Variants in PCSK4 observed in about 807,000 individuals in gnomAD.
The protein encoded by PCSK4 is testicular tissue protein Li 135.
PCSK4 carries 64 observed loss-of-function variants against 80.3 expected under a neutral mutation model. The ratio of observed to expected loss-of-function variants is 0.80; its 90% CI spans 0.65 to 0.98. PCSK4 has a LOEUF of 0.98. Ranked by LOEUF, PCSK4 falls within the 50% of genes least tolerant of loss-of-function variation. PCSK4 has a pLI of 0.00. For missense variants in PCSK4, 1,213 were observed against 1,093.6 expected, an observed-to-expected ratio of 1.11 and a Z score of -1.54; for synonymous variants, 561 against 487.6, an observed-to-expected ratio of 1.15 and a Z score of -1.98.
intron 13 of PCSK4, 100 bp from the exon 14 acceptor site, chr19:1,482,575 G>C: frequency 7.1e-7 from 1 of 1,417,632 alleles, no homozygotes; most frequent in South Asian, 1.3e-5. Context: ...CCCACGCGGG[G>C]CCCTGGACTG....
rs950104897 is a variant in PCSK4, at chr19:1,486,186, A to G, written c.1068+667T>C. Among the ~76,000 whole-genome samples, 5 of 151,438 alleles carry G rather than the reference A, an allele frequency of 3.3e-5. No homozygotes were observed. The East Asian group carries it at 9.8e-4, about 30-fold the overall frequency. Reference sequence around the variant, plus strand: ...GAGATGGGGTTTTGCCATGTTGGCTAGGCTGGTCCTGAACTCTTGACCTCA... The same window carrying G: ...GAGATGGGGTTTTGCCATGTTGGCTGGGCTGGTCCTGAACTCTTGACCTCA... On this transcript the variant is annotated intron_variant, in intron 8 of 14. Transcript: ENST00000300954.
chr19:1,490,267 G>A (rs775480648), exon 1 of PCSK4: 23 of 1,605,816 alleles, frequency 1.4e-5, no homozygotes, highest in African/African-American at 2.7e-5. Context: ...TCGGACCGGG[G>A]CCCACCCCAC....
exon 5 of PCSK4, chr19:1,487,789 T>A: frequency 6.3e-7 from 1 of 1,577,990 alleles, no homozygotes; most frequent in Non-Finnish European, 8.6e-7. Flanking sequence ...GCTCACCGGT[T>A]CTCTTTGCTG....
At chr19:1,486,182 G>A (rs2084596960) in intron 8 of PCSK4, among the ~76,000 whole-genome samples, 1 of 150,908 alleles carries the variant, frequency 6.6e-6, no homozygotes, top group Non-Finnish European at 1.5e-5. Context: ...TTGCCATGTT[G>A]GCTAGGCTGG....
At chr19:1,487,823 C>A in exon 5 of PCSK4, 1 of 1,564,958 alleles carries the variant, frequency 6.4e-7, no homozygotes. Context: ...GCTGGGGGTC[C>A]GGGTCGTAGT....
exon 3 of PCSK4, chr19:1,488,221 G>A (rs756090765): frequency 1.2e-6 from 2 of 1,613,458 alleles, no homozygotes; most frequent in South Asian, 1.1e-5. Flanking sequence ...AGGGGTCCGT[G>A]GGCACCACGA....
In PCSK4 at chr19:1,487,600, T is replaced by C; in HGVS notation, c.682+3A>G. The C allele has an allele frequency of 6.5e-7, 1 of 1,549,008 alleles. No individual in the cohort carries two copies. The highest frequency in any genetic ancestry group is 8.7e-7 in the Non-Finnish European group (1 of 1,145,916). ...AATGGTGCCGCTGGGGGACCCCGGG[T>C]ACCTCCGATTCGGGCGTTGAAAGCG... On this transcript the variant is annotated splice_donor_region_variant and intron_variant, in intron 6 of 14. Coordinates refer to ENST00000300954, the Ensembl canonical transcript of PCSK4.
rs369419526 is a variant in PCSK4 at position 1,487,859 on chromosome 19, G to A, written c.519C>T (p.Asp173=). Residue 173 remains aspartate (D), a splice_region_variant and synonymous_variant, in exon 5 of 15, where the codon GAC becomes GAT. Coordinates refer to ENST00000300954, the Ensembl canonical transcript of PCSK4. ...CATTGAAGTCATAGCTGGCCAGGGGGTCCTGGGGGCAGGTGGGGATATGAG... is the reference window on the plus strand; with the variant it reads ...CATTGAAGTCATAGCTGGCCAGGGGATCCTGGGGGCAGGTGGGGATATGAG... 629 of 1,543,890 alleles carry A rather than the reference G, an allele frequency of 4.1e-4. 1 individual carries two copies. Among genetic ancestry groups the A allele is most frequent in the Middle Eastern group, 5.2e-4 (3 of 5,768 alleles).
At chr19:1,481,971 G>A (rs757998201) in exon 15 of PCSK4, 2 of 1,595,570 alleles carry the variant, frequency 1.3e-6, no homozygotes, top group Admixed American at 1.7e-5. Flanking sequence ...GGGGTGGTGG[G>A]TCCCATGCAG....
intron 8 of PCSK4, among the ~76,000 whole-genome samples, 157 bp downstream of exon 8, chr19:1,486,696 T>A (rs1484701482): frequency 6.6e-6 from 1 of 152,112 alleles, no homozygotes; most frequent in East Asian, 1.9e-4. Context: ...CCTCCCAAAG[T>A]GCTGGGATTA....
Position 1,487,767 on chromosome 19 carries a change from T to C in PCSK4, c.593+18A>G, listed in dbSNP as rs367773070. ...GGGTACTGGGGCTTCCCCCGTGTGC[T>C]GTGGGAGCCCTGCTCACCGGTTCTC... On this transcript the variant is annotated intron_variant, in intron 5 of 14. Coordinates refer to ENST00000300954, the Ensembl canonical transcript of PCSK4. 7 of 1,561,470 alleles carry C rather than the reference T, an allele frequency of 4.5e-6. No homozygotes were observed. The African/African-American group carries it at 9.5e-5, about 21-fold the overall frequency.
upstream of PCSK4, chr19:1,490,558 C>T: frequency 4.1e-6 from 2 of 482,512 alleles, no homozygotes; most frequent in Non-Finnish European, 7.3e-6. Context: ...AGACCCACAC[C>T]CTCGGGAGCC....
intron 8 of PCSK4, among the ~76,000 whole-genome samples, chr19:1,484,937 G>C (rs1436805964): frequency 6.6e-6 from 1 of 152,176 alleles, no homozygotes; most frequent in Non-Finnish European, 1.5e-5. Flanking sequence ...TTGAGCTCAG[G>C]AGTTTGAGAC....
At chr19:1,485,835 C>A (rs1426932625) in intron 8 of PCSK4, among the ~76,000 whole-genome samples, 1 of 152,050 alleles carries the variant, frequency 6.6e-6, no homozygotes, top group Admixed American at 6.6e-5. Context: ...CGCGCCACTG[C>A]ACTCCAGCCT....
exon 15 of PCSK4, chr19:1,481,799 G>C (rs767526035): frequency 2.6e-6 from 4 of 1,522,020 alleles, no homozygotes; most frequent in Non-Finnish European, 3.5e-6. Flanking sequence ...TTTGGTGGGG[G>C]TGGCCCTGGC....
chr19:1,489,617 T>C (rs1831515602), intron 2 of PCSK4, 176 bp downstream of exon 2: 3 of 1,193,100 alleles, frequency 2.5e-6, no homozygotes, highest in Middle Eastern at 2.1e-4. Context: ...CGCCATGATT[T>C]CCGTATCTGG....
chr19:1,482,158 G>A (rs1298386841), exon 15 of PCSK4: 1 of 1,559,626 alleles, frequency 6.4e-7, no homozygotes, highest in Non-Finnish European at 8.6e-7. Flanking sequence ...ACCGCGGGGG[G>A]CAGTAGGCCA....
Position 1,488,553 on chromosome 19 carries a change from C to T in PCSK4, c.295-273G>A, listed in dbSNP as rs72985552. On this transcript the variant is annotated intron_variant, in intron 2 of 14. Transcript: ENST00000300954. ...CTCTCCCCCATCCCTGTTCTAGATC[C>T]TTCTATCTCTCTCCTGCATCACTTC... Among the ~76,000 whole-genome samples, 457 of 151,926 alleles carry T rather than the reference C, an allele frequency of 3.0e-3. 2 individuals are homozygous for T. The highest frequency in any genetic ancestry group is 5.6e-3 in the Admixed American group (86 of 15,232).
intron 2 of PCSK4, among the ~76,000 whole-genome samples, chr19:1,488,683 C>A (rs897811823): frequency 2.0e-5 from 3 of 151,838 alleles, no homozygotes; most frequent in Non-Finnish European, 2.9e-5. Context: ...TGGGTTCAAG[C>A]GATTCTCCTA....
Sources: allele counts gnomAD v4.1 joint callset (sites outside exome capture counted in the v4.1 genomes callset), GRCh38; gene constraint gnomAD v4.1.1; transcripts MANE v1.5; gene names NCBI Gene and HGNC (gene_info 2026-07-23, HGNC 2026-07-21).